The following CHD6 variants were observed in gnomAD, a reference collection of about 807,000 sequenced individuals.
The protein encoded by CHD6 is ATP-dependent chromatin remodeler CHD6.
In CHD6, 50 loss-of-function variants were observed where a neutral mutation model predicts 276.9. The observed-to-expected ratio is 0.18, with a 90% CI of 0.14 to 0.23. The LOEUF (loss-of-function observed/expected upper bound fraction) is 0.23. Among genes scored for constraint, CHD6 ranks in the 10% least tolerant of loss-of-function variants. The probability of loss-of-function intolerance (pLI) is 1.00; values close to 1 mark genes in which losing one functional copy is unlikely to be tolerated. For missense variants in CHD6, 2,564 were observed against 3,365.8 expected, an observed-to-expected ratio of 0.76 and a Z score of 5.89; for synonymous variants, 1,173 against 1,229.3, an observed-to-expected ratio of 0.95 and a Z score of 0.96.
chr20:41,416,824 A>G lies in CHD6; in HGVS notation c.6280-30T>C, dbSNP rs1030721041. On this transcript the variant is annotated intron_variant, in intron 32 of 36. Coordinates refer to ENST00000373233, the MANE Select transcript of CHD6 (RefSeq NM_032221.5). Reference sequence around the variant, plus strand: ...AAAAAAGGATAAAGCTCTGATGAATAAGGATCGAGTTACCTAAATTCACAA... The same window carrying G: ...AAAAAAGGATAAAGCTCTGATGAATGAGGATCGAGTTACCTAAATTCACAA... 1.3e-5 allele frequency: 19 copies of G among 1,471,890 alleles called. No individual in the cohort carries two copies. In the East Asian group the frequency reaches 4.4e-4, roughly 34 times the overall value. 91.2% of individuals were successfully genotyped at this position (1,471,890 alleles called of 1,614,324 possible). A position where few individuals can be genotyped will look rare whatever the true frequency, so the allele number is the denominator to read the frequency against.
intron 17 of CHD6, among the ~76,000 whole-genome samples, chr20:41,464,118 T>G (rs2042864734): frequency 6.6e-6 from 1 of 152,082 alleles, no homozygotes; most frequent in Non-Finnish European, 1.5e-5. Flanking sequence ...AGTTGCAAAA[T>G]GAAATTATAT....
chr20:41,421,432 T>C lies in CHD6; in HGVS notation c.5203A>G (p.Ile1735Val), dbSNP rs1428513029. The C allele has an allele frequency of 6.2e-7, 1 of 1,614,048 alleles. No individual in the cohort carries two copies. The highest frequency in any genetic ancestry group is 8.5e-7 in the Non-Finnish European group (1 of 1,180,022). Residue 1735 changes from isoleucine to valine, a missense_variant, in exon 31 of 37, where the codon ATT becomes GTT. This residue lies in a region of CHD6 where 1,024 missense variants were observed against 1,047.9 expected (regional missense o/e 0.98). Transcript: ENST00000373233. The part of the protein sequence containing the change: ...STNTESRKDV[I>V]TISISKDGNC... ...CCATCTTTGCTTATTGAGATGGTAATAACATCTTTTCTAGATTCAGTATTG... is the reference window on the plus strand; with the variant it reads ...CCATCTTTGCTTATTGAGATGGTAACAACATCTTTTCTAGATTCAGTATTG...
At chr20:41,419,556 A>G (rs938250439) in intron 31 of CHD6, among the ~76,000 whole-genome samples, 5 of 49,164 alleles carry the variant, frequency 1.0e-4, no homozygotes, top group Non-Finnish European at 1.7e-4. Flanking sequence ...CTCTGTCTCA[A>G]AAAAAAAAAA....
chr20:41,539,416 G>C (rs1256730480), intron 2 of CHD6, among the ~76,000 whole-genome samples: 1 of 152,220 alleles, frequency 6.6e-6, no homozygotes, highest in Non-Finnish European at 1.5e-5. Context: ...ACACAGGTTA[G>C]ACAAGAGCCA....
chr20:41,579,165 G>A (rs1411460207), intron 1 of CHD6, among the ~76,000 whole-genome samples: 1 of 147,866 alleles, frequency 6.8e-6, no homozygotes, highest in Non-Finnish European at 1.5e-5. Context: ...TGCCAGGTGT[G>A]GTGACTCACG....
At chr20:41,416,829 T>C (rs768057360) in intron 32 of CHD6, 35 bp from the exon 33 acceptor site, 5 of 1,451,262 alleles carry the variant, frequency 3.4e-6, no homozygotes, top group Non-Finnish European at 3.7e-6. Flanking sequence ...TGAATAAGGA[T>C]CGAGTTACCT....
At chr20:41,520,590 T>G (rs2044367708) in intron 3 of CHD6, among the ~76,000 whole-genome samples, 1 of 148,170 alleles carries the variant, frequency 6.7e-6, no homozygotes, top group East Asian at 2.0e-4. Context: ...AAACACCGCA[T>G]GTTCTCACTC....
At chr20:41,543,154 C>T (rs1601120354) in intron 2 of CHD6, among the ~76,000 whole-genome samples, 1 of 148,772 alleles carries the variant, frequency 6.7e-6, no homozygotes, top group Admixed American at 6.7e-5. Flanking sequence ...ATTTTACTAA[C>T]AAATGGGTAT....
At chr20:41,489,673 A>G in intron 12 of CHD6, 105 bp downstream of exon 12, 1 of 1,419,022 alleles carries the variant, frequency 7.0e-7, no homozygotes, top group Non-Finnish European at 9.8e-7. Context: ...AAGTCATTCC[A>G]CATTAATACA....
In CHD6 at chr20:41,452,017, C is replaced by T. The variant is rs201755529; in HGVS notation, c.3332G>A (p.Arg1111Gln). 1.2e-6 allele frequency: 2 copies of T among 1,613,602 alleles called. No homozygotes were observed. Among genetic ancestry groups the T allele is most frequent in the Admixed American group, 1.7e-5 (1 of 60,006 alleles). Residue 1111 changes from arginine to glutamine, a missense_variant, in exon 22 of 37, where the codon CGG (arginine) becomes CAG (glutamine). This residue lies in a region of CHD6 where 515 missense variants were observed against 739.5 expected (regional missense o/e 0.70). Coordinates refer to ENST00000373233, the MANE Select transcript of CHD6 (RefSeq NM_032221.5). The surrounding 1 kb of genome is among the most constrained non-coding windows in gnomAD (Gnocchi z 4.2). ...EKNLLIFGWG[R>Q]WKDILTHGRF... ...GCCATGAGTCAGGATGTCCTTCCAC[C>T]GGCCCCAGCTGACAGTGGACATACA...
intron 1 of CHD6, among the ~76,000 whole-genome samples, chr20:41,576,804 C>A (rs1385449399): frequency 6.6e-6 from 1 of 152,206 alleles, no homozygotes; most frequent in Admixed American, 6.5e-5. Flanking sequence ...TCCAACTATT[C>A]AAACCATCAG....
At chr20:41,520,294 C>T (rs1385559205) in intron 3 of CHD6, among the ~76,000 whole-genome samples, 6 of 152,220 alleles carry the variant, frequency 3.9e-5, no homozygotes, top group African/African-American at 1.4e-4. Context: ...GTAGAAATAC[C>T]ATTTGACCCA....
intron 27 of CHD6, among the ~76,000 whole-genome samples, chr20:41,435,523 G>C (rs2145567750): frequency 6.6e-6 from 1 of 151,334 alleles, no homozygotes; most frequent in African/African-American, 2.4e-5. Flanking sequence ...AGCATCACTT[G>C]AGCCTGGGAG....
intron 1 of CHD6, among the ~76,000 whole-genome samples, chr20:41,617,115 G>GT (rs2045940657): frequency 6.6e-6 from 1 of 152,220 alleles, no homozygotes; most frequent in Admixed American, 6.5e-5. Flanking sequence ...TTTAAAATGT[G>GT]TATTTTCTGT....
In CHD6 at chr20:41,507,603, T is replaced by C. The variant is rs2044008543; in HGVS notation, c.852+5243A>G. Among the ~76,000 whole-genome samples, 3 of 152,224 alleles carry C rather than the reference T, an allele frequency of 2.0e-5. 1 individual carries two copies. Among genetic ancestry groups the C allele is most frequent in the Admixed American group, 2.0e-4 (3 of 15,278 alleles). On this transcript the variant is annotated intron_variant, in intron 5 of 36. Transcript: ENST00000373233. Reference sequence around the variant, plus strand: ...GAGATTGTGCGTAAGTACGATCATGTGTGTATAAACACTCAGTGTATACAG... The same window carrying C: ...GAGATTGTGCGTAAGTACGATCATGCGTGTATAAACACTCAGTGTATACAG...
chr20:41,489,633 G>T, intron 12 of CHD6, 145 bp downstream of exon 12: 1 of 999,070 alleles, frequency 1.0e-6, no homozygotes, highest in Non-Finnish European at 1.5e-6. Flanking sequence ...ACCAGGGAGA[G>T]CAGGAGTCAG....
intron 1 of CHD6, among the ~76,000 whole-genome samples, chr20:41,580,940 GA>G (rs1346559293): frequency 6.6e-6 from 1 of 152,122 alleles, no homozygotes; most frequent in East Asian, 1.9e-4. Flanking sequence ...TAGCAAAGTT[GA>G]AATTAATCAG....
intron 11 of CHD6, among the ~76,000 whole-genome samples, chr20:41,491,073 G>A (rs2043541320): frequency 6.6e-6 from 1 of 151,946 alleles, no homozygotes; most frequent in African/African-American, 2.4e-5. Flanking sequence ...TGAAGGCCGA[G>A]GACATTACCG....
intron 1 of CHD6, chr20:41,563,868 A>T (rs2045327631): frequency 3.5e-6 from 2 of 573,192 alleles, no homozygotes; most frequent in Non-Finnish European, 6.2e-6. Context: ...AGAGCCCTGA[A>T]AATTCAAGTC....
Sources: gnomAD v4.1 joint callset for allele counts (sites outside exome capture counted in the v4.1 genomes callset) on GRCh38, gnomAD v4.1.1 for gene constraint, gnomAD v4.1.1 regional missense constraint, Gnocchi (gnomAD v3.1) non-coding constraint, MANE v1.5 for transcripts, NCBI Gene and HGNC (gene_info 2026-07-23, HGNC 2026-07-21) for gene names.